Variants in ADCY1 observed in about 807,000 individuals in gnomAD.
ADCY1 encodes adenylate cyclase 1, also known as adenylate cyclase type 1.
ADCY1 carries 28 observed loss-of-function variants against 105.4 expected under a neutral mutation model. The observed-to-expected ratio is 0.27, with a 90% CI of 0.20 to 0.36. ADCY1 has a LOEUF of 0.36. ADCY1 is among the 10% of genes least tolerant of loss of function. The pLI is 1.00. For synonymous variants in ADCY1, 655 were observed against 623.8 expected, an observed-to-expected ratio of 1.05 and a Z score of -0.75; for missense variants, 977 against 1,434.2, an observed-to-expected ratio of 0.68 and a Z score of 5.15.
chr7:45,650,933 A>G (rs1005439174), intron 5 of ADCY1, among the ~76,000 whole-genome samples: 1 of 152,140 alleles, frequency 6.6e-6, no homozygotes, highest in East Asian at 1.9e-4. Context: ...CACTTGCTCC[A>G]TGAACCTGTG....
chr7:45,613,714 A>G (rs1793654748), intron 3 of ADCY1, among the ~76,000 whole-genome samples: 1 of 152,210 alleles, frequency 6.6e-6, no homozygotes, highest in African/African-American at 2.4e-5. Flanking sequence ...TCACACCTAG[A>G]TACATTTAAC....
chr7:45,589,124 C>T (rs970949077), intron 1 of ADCY1, among the ~76,000 whole-genome samples: 1 of 152,108 alleles, frequency 6.6e-6, no homozygotes, highest in Non-Finnish European at 1.5e-5. Flanking sequence ...AGGGCTATGG[C>T]AGGGTCTGAC....
chr7:45,628,143 A>G (rs1012478014), intron 4 of ADCY1, among the ~76,000 whole-genome samples: 1 of 152,190 alleles, frequency 6.6e-6, no homozygotes, highest in African/African-American at 2.4e-5. Flanking sequence ...AGGGATAAGG[A>G]ATCTGCATTT....
chr7:45,594,505 T>A (rs1054053369), intron 2 of ADCY1, among the ~76,000 whole-genome samples: 2 of 152,336 alleles, frequency 1.3e-5, no homozygotes, highest in Non-Finnish European at 2.9e-5. Flanking sequence ...GCATTTCCTT[T>A]TCTTTTCCTC....
intron 4 of ADCY1, among the ~76,000 whole-genome samples, chr7:45,643,270 A>AT (rs11313310): frequency 5.4e-5 from 8 of 149,320 alleles, no homozygotes; most frequent in Admixed American, 1.3e-4. Context: ...TTGAGATAGG[A>AT]TTTTTTTTTT....
At chr7:45,665,842 A>G (rs1784234236) in intron 8 of ADCY1, among the ~76,000 whole-genome samples, 1 of 152,146 alleles carries the variant, frequency 6.6e-6, no homozygotes, top group African/African-American at 2.4e-5. Flanking sequence ...CTTTATTTCT[A>G]GAGGTTGATC....
At chr7:45,628,531 G>C (rs1031728838) in intron 4 of ADCY1, among the ~76,000 whole-genome samples, 6 of 152,182 alleles carry the variant, frequency 3.9e-5, no homozygotes, top group African/African-American at 1.4e-4. Context: ...TCTGGAGGAA[G>C]GGGAACATGG....
intron 1 of ADCY1, among the ~76,000 whole-genome samples, chr7:45,581,751 T>G (rs1792550905): frequency 6.6e-6 from 1 of 152,150 alleles, no homozygotes; most frequent in South Asian, 2.1e-4. Context: ...TGCTCTCCAT[T>G]TGAGCATATG....
At chr7:45,588,747 T>G (rs982522495) in intron 1 of ADCY1, among the ~76,000 whole-genome samples, 5 of 152,190 alleles carry the variant, frequency 3.3e-5, no homozygotes, top group African/African-American at 1.2e-4. Context: ...CCCGGCTGTC[T>G]GGCTGAGTTA....
chr7:45,632,262 C>T (rs1311289950), intron 4 of ADCY1, among the ~76,000 whole-genome samples: 1 of 152,068 alleles, frequency 6.6e-6, no homozygotes, highest in African/African-American at 2.4e-5. Flanking sequence ...GTGCTTTATC[C>T]AAGTTTATTG....
Position 45,719,152 on chromosome 7 carries a change from TGG to T in ADCY1, c.*5161_*5162del, listed in dbSNP as rs1785417017. The T allele has an allele frequency of 6.5e-6, 1 of 152,946 alleles. No individual in the cohort carries two copies. Among genetic ancestry groups the T allele is most frequent in the South Asian group, 2.1e-4 (1 of 4,834 alleles). 9.5% of individuals were successfully genotyped at this position (152,946 alleles called of 1,614,324 possible). On this transcript the variant is annotated 3_prime_UTR_variant, in exon 20 of 20. Coordinates refer to ENST00000297323, the MANE Select transcript of ADCY1 (RefSeq NM_021116.4). ...GTCTCTGGAGGCAGACAGGGTGGGC[TGG>T]GGGCCAGCAGCAGGGGGCAGAGCCC...
chr7:45,605,215 T>A (rs894766752), intron 2 of ADCY1, among the ~76,000 whole-genome samples: 1 of 152,094 alleles, frequency 6.6e-6, no homozygotes, highest in African/African-American at 2.4e-5. Flanking sequence ...AGGAGTCTTT[T>A]TGGTACAATT....
At chr7:45,632,490 AT>A (rs923372084) in intron 4 of ADCY1, among the ~76,000 whole-genome samples, 7 of 150,942 alleles carry the variant, frequency 4.6e-5, no homozygotes, top group Non-Finnish European at 1.0e-4. Context: ...ATATTCTTTA[AT>A]TTTTTCTCAG....
At chr7:45,606,362 TG>T (rs1318704809) in intron 2 of ADCY1, among the ~76,000 whole-genome samples, 2 of 152,170 alleles carry the variant, frequency 1.3e-5, no homozygotes, top group African/African-American at 4.8e-5. Context: ...GTCTCTGGCC[TG>T]GAGTAGGTAA....
intron 2 of ADCY1, among the ~76,000 whole-genome samples, chr7:45,595,475 G>A (rs1369486645): frequency 1.3e-5 from 2 of 151,980 alleles, no homozygotes; most frequent in Non-Finnish European, 2.9e-5. Flanking sequence ...GCCCCTTTCC[G>A]TTTACTAAGG....
chr7:45,625,203 G>A (rs1218545608), intron 4 of ADCY1, among the ~76,000 whole-genome samples: 2 of 152,148 alleles, frequency 1.3e-5, no homozygotes, highest in Non-Finnish European at 2.9e-5. Flanking sequence ...ATGGGCGGGG[G>A]CTCTGGGCCT....
intron 1 of ADCY1, among the ~76,000 whole-genome samples, chr7:45,577,529 G>A (rs1306859490): frequency 1.3e-5 from 2 of 152,230 alleles, no homozygotes; most frequent in Non-Finnish European, 2.9e-5. Context: ...TGTTTCTGCT[G>A]CTCTTCACTG....
chr7:45,633,715 T>C (rs1794322595), intron 4 of ADCY1, among the ~76,000 whole-genome samples: 2 of 148,546 alleles, frequency 1.3e-5, no homozygotes, highest in East Asian at 4.0e-4. Context: ...GGCAGGAGAA[T>C]CGCTTGAACC....
chr7:45,610,845 CGAT>C (rs1793547021), intron 3 of ADCY1, among the ~76,000 whole-genome samples: 3 of 98,678 alleles, frequency 3.0e-5, no homozygotes, highest in East Asian at 6.6e-4. Context: ...GGTGTGGAGG[CGAT>C]ATTGGAGTTG....
Sources: allele counts gnomAD v4.1 joint callset (sites outside exome capture counted in the v4.1 genomes callset), GRCh38; gene constraint gnomAD v4.1.1; transcripts MANE v1.5; gene names NCBI Gene and HGNC (gene_info 2026-07-23, HGNC 2026-07-21).